PHACTR2: variants seen among roughly 807,000 people sequenced by gnomAD.
PHACTR2 encodes phosphatase and actin regulator 2.
In PHACTR2, 30 loss-of-function variants were observed where a neutral mutation model predicts 76.0. The observed-to-expected ratio is 0.39, with a 90% CI of 0.30 to 0.54. The LOEUF is 0.54. Ranked by LOEUF, PHACTR2 falls within the 20% of genes least tolerant of loss-of-function variation. PHACTR2 has a pLI of 0.61. For synonymous variants in PHACTR2, 292 were observed against 292.5 expected, an observed-to-expected ratio of 1.00 and a Z score of 0.02; for missense variants, 696 against 781.1, an observed-to-expected ratio of 0.89 and a Z score of 1.30.
intron 1 of PHACTR2, among the ~76,000 whole-genome samples, chr6:143,569,095 G>A (rs771467359): frequency 3.9e-5 from 6 of 152,044 alleles, no homozygotes; most frequent in Admixed American, 6.6e-5. Context: ...GAGATGTTTC[G>A]TGCTCACCCG....
In PHACTR2 at chr6:143,679,320, A is replaced by G. The variant is rs77999732; in HGVS notation, c.46+1111A>G. Among the ~76,000 whole-genome samples the G allele has an allele frequency of 0.044, 6,721 of 152,292 alleles. 478 individuals are homozygous for G. The highest frequency in any genetic ancestry group is 0.15 in the African/African-American group (6,196 of 41,546). On this transcript the variant is annotated intron_variant, in intron 1 of 12. Coordinates refer to ENST00000440869, the MANE Select transcript of PHACTR2 (RefSeq NM_001100164.2). The surrounding 1 kb of genome is among the most constrained non-coding windows in gnomAD (Gnocchi z 4.6). ...TTAATACCACAGAAGACCCTTCTGC[A>G]AAGAAGAGACATCAGAATCAGAATA...
intron 1 of PHACTR2, among the ~76,000 whole-genome samples, chr6:143,584,345 C>T (rs1317005861): frequency 2.0e-5 from 3 of 152,204 alleles, no homozygotes; most frequent in African/African-American, 7.2e-5. Flanking sequence ...TCCTGAGTCC[C>T]TCCACTGTAC....
At chr6:143,790,676 CTTT>C (rs758900964) in intron 11 of PHACTR2, among the ~76,000 whole-genome samples, 1 of 140,156 alleles carries the variant, frequency 7.1e-6, no homozygotes, top group Non-Finnish European at 1.5e-5. Context: ...TAACAAGATT[CTTT>C]TTTTTTTTTT....
rs912317049 is a variant in PHACTR2 at position 143,738,681 on chromosome 6, G to A, written c.215-10304G>A. On this transcript the variant is annotated intron_variant, in intron 2 of 12. Transcript: ENST00000440869. The surrounding 1 kb of genome is among the most constrained non-coding windows in gnomAD (Gnocchi z 4.0). ...TAAGGTGAGAGGATGGCTTGAGCCC[G>A]GGAGGCGGAGGCTGCAGTGAGCCAA... 6.6e-6 allele frequency among the ~76,000 whole-genome samples: 1 copy of A among 151,976 alleles called. No individual in the cohort carries two copies. Among genetic ancestry groups the A allele is most frequent in the Non-Finnish European group, 1.5e-5 (1 of 67,980 alleles).
chr6:143,740,508 TAAA>T (rs10638908), intron 2 of PHACTR2, among the ~76,000 whole-genome samples: 1 of 128,688 alleles, frequency 7.8e-6, no homozygotes, highest in East Asian at 2.3e-4. Flanking sequence ...TCCTTTTAAT[TAAA>T]AAAAAAAAAA....
chr6:143,687,407 T>G (rs917483395), intron 1 of PHACTR2, among the ~76,000 whole-genome samples: 4 of 152,292 alleles, frequency 2.6e-5, no homozygotes. Flanking sequence ...CTTTGGGGAC[T>G]TTACTGTAGC....
chr6:143,786,185 T>C (rs1198577455), intron 10 of PHACTR2, among the ~76,000 whole-genome samples: 2 of 152,212 alleles, frequency 1.3e-5, no homozygotes, highest in African/African-American at 2.4e-5. Context: ...CTTTGCTGCT[T>C]AGAAATTTCT....
Position 143,663,955 on chromosome 6 carries a change from A to G in PHACTR2, c.14-48061A>G, listed in dbSNP as rs1385514944. Among the ~76,000 whole-genome samples the G allele has an allele frequency of 6.6e-6, 1 of 152,084 alleles. No homozygotes were observed. The highest frequency in any genetic ancestry group is 1.9e-4 in the East Asian group (1 of 5,198). ...ATTGTTTAAATTCATGACCTTAAAA[A>G]TATTTTGTTTTCATGATCTATTAGT... On this transcript the variant is annotated intron_variant, in intron 1 of 11. Coordinates refer to the PHACTR2 transcript ENST00000305766. The surrounding 1 kb of genome is among the most constrained non-coding windows in gnomAD (Gnocchi z 4.1).
chr6:143,600,762 C>A (rs1775805493), intron 1 of PHACTR2, among the ~76,000 whole-genome samples: 1 of 152,112 alleles, frequency 6.6e-6, no homozygotes, highest in African/African-American at 2.4e-5. Flanking sequence ...TTTGTTTTGC[C>A]AAGGCAAAAA....
Position 143,787,885 on chromosome 6 carries a change from A to C in PHACTR2, c.1708-888A>C, listed in dbSNP as rs1402665683. 6.6e-6 allele frequency among the ~76,000 whole-genome samples: 1 copy of C among 152,232 alleles called. No individual in the cohort carries two copies. The highest frequency in any genetic ancestry group is 1.5e-5 in the Non-Finnish European group (1 of 68,042). On this transcript the variant is annotated intron_variant, in intron 10 of 12. Transcript: ENST00000440869. This position sits in a 1 kb window ranked among gnomAD's most constrained non-coding sequence, Gnocchi z 4.6. ...GCCCTATGGCTACAATAGAGGTCTAAGTCTACCTCTCTGGAGATAACTGTG... is the reference window on the plus strand; with the variant it reads ...GCCCTATGGCTACAATAGAGGTCTACGTCTACCTCTCTGGAGATAACTGTG...
In PHACTR2 at chr6:143,806,248, G is replaced by A. The variant is rs907693942; in HGVS notation, c.1846-809G>A. Among the ~76,000 whole-genome samples the A allele has an allele frequency of 4.6e-5, 7 of 152,058 alleles. No individual in the cohort carries two copies. The highest frequency in any genetic ancestry group is 7.4e-5 in the Non-Finnish European group (5 of 68,020). Reference sequence around the variant, plus strand: ...TCAAATACCAAAAATTACGTGACACGGATTATGTGTTCTTTAAATAGCAAT... The same window carrying A: ...TCAAATACCAAAAATTACGTGACACAGATTATGTGTTCTTTAAATAGCAAT... On this transcript the variant is annotated intron_variant, in intron 11 of 12. Coordinates refer to ENST00000440869, the MANE Select transcript of PHACTR2 (RefSeq NM_001100164.2). The surrounding 1 kb of genome is among the most constrained non-coding windows in gnomAD (Gnocchi z 5.8).
At position 143,652,719 on chromosome 6, in the gene PHACTR2, G is replaced by A. The variant is rs77047532; in HGVS notation, c.13+44397G>A. 9.8e-5 allele frequency among the ~76,000 whole-genome samples: 15 copies of A among 152,364 alleles called. No individual in the cohort carries two copies. The East Asian group carries it at 2.5e-3, about 25-fold the overall frequency. The stretch of plus-strand genomic sequence containing the variant: ...AAGAGCTGAGATTTCACCAGAAACA[G>A]TGACATTCACACCCAGGGGCTGAAA... On this transcript the variant is annotated intron_variant, in intron 1 of 11. Coordinates refer to the PHACTR2 transcript ENST00000305766. This position sits in a 1 kb window ranked among gnomAD's most constrained non-coding sequence, Gnocchi z 4.5.
intron 1 of PHACTR2, among the ~76,000 whole-genome samples, chr6:143,552,888 GAAAAAA>G (rs35606517): frequency 3.4e-5 from 4 of 116,696 alleles, no homozygotes; most frequent in Middle Eastern, 4.2e-3. Context: ...ATCTCAAAAA[GAAAAAA>G]AAAAAAAAAA....
intron 1 of PHACTR2, among the ~76,000 whole-genome samples, chr6:143,574,927 G>A (rs1404065308): frequency 2.0e-5 from 3 of 152,196 alleles, no homozygotes; most frequent in African/African-American, 7.2e-5. Flanking sequence ...AAATTAACAC[G>A]TTAATAGACT....
intron 12 of PHACTR2, among the ~76,000 whole-genome samples, chr6:143,808,209 A>G (rs1187976997): frequency 6.7e-6 from 1 of 150,080 alleles, no homozygotes. Context: ...AGCTTACTGC[A>G]ACCTCCACCT....
Position 143,595,757 on chromosome 6 carries a change from T to A in PHACTR2, c.217+58550T>A, listed in dbSNP as rs1283011348. Reference sequence around the variant, plus strand: ...TTTTAAAGAGAGAAAAAAGTGCTGTTAGAATAAAAATAAAGAATGTTACCA... The same window carrying A: ...TTTTAAAGAGAGAAAAAAGTGCTGTAAGAATAAAAATAAAGAATGTTACCA... On this transcript the variant is annotated intron_variant, in intron 1 of 11. Coordinates refer to the PHACTR2 transcript ENST00000367584. This position sits in a 1 kb window ranked among gnomAD's most constrained non-coding sequence, Gnocchi z 4.2. Among the ~76,000 whole-genome samples, 2 of 152,192 alleles carry A rather than the reference T, an allele frequency of 1.3e-5. No homozygotes were observed. Among genetic ancestry groups the A allele is most frequent in the Non-Finnish European group, 2.9e-5 (2 of 68,034 alleles).
Position 143,776,021 on chromosome 6 carries a change from C to T in PHACTR2, c.1590-1307C>T, listed in dbSNP as rs1562302968. ...TGACTGGCACCTGTAATCCCAGCTA[C>T]TCAGGAGGCTGAGGCAGTAATTTTG... On this transcript the variant is annotated intron_variant, in intron 8 of 12. Coordinates refer to ENST00000440869, the MANE Select transcript of PHACTR2 (RefSeq NM_001100164.2). This position sits in a 1 kb window ranked among gnomAD's most constrained non-coding sequence, Gnocchi z 5.3. Among the ~76,000 whole-genome samples the T allele has an allele frequency of 6.6e-6, 1 of 152,108 alleles. No individual in the cohort carries two copies. Among genetic ancestry groups the T allele is most frequent in the East Asian group, 1.9e-4 (1 of 5,194 alleles).
intron 4 of PHACTR2, among the ~76,000 whole-genome samples, chr6:143,756,867 G>A (rs898999137): frequency 1.3e-5 from 2 of 152,100 alleles, no homozygotes; most frequent in African/African-American, 4.8e-5. Flanking sequence ...GGCCAACAGG[G>A]CAAAGCCCCA....
chr6:143,774,325 G>T lies in PHACTR2; in HGVS notation c.1589+110G>T, dbSNP rs961980923. 2 of 754,380 alleles carry T rather than the reference G, an allele frequency of 2.7e-6. No homozygotes were observed. The highest frequency in any genetic ancestry group is 4.2e-6 in the Non-Finnish European group (2 of 481,564). The allele number at this position is 754,380 out of a possible 1,614,324, so 46.7% of individuals were successfully genotyped here. A position where few individuals can be genotyped will look rare whatever the true frequency, so the allele number is the denominator to read the frequency against. ...AATTCCTTATGTACAGATACATCTG[G>T]CCTACTGGGTCTTTTAAAGTTGGTC... On this transcript the variant is annotated intron_variant, in intron 8 of 12. Transcript: ENST00000440869. This position sits in a 1 kb window ranked among gnomAD's most constrained non-coding sequence, Gnocchi z 5.4.
Sources: gnomAD v4.1 joint callset for allele counts (sites outside exome capture counted in the v4.1 genomes callset) on GRCh38, gnomAD v4.1.1 for gene constraint, Gnocchi (gnomAD v3.1) non-coding constraint, MANE v1.5 for transcripts, NCBI Gene and HGNC (gene_info 2026-07-23, HGNC 2026-07-21) for gene names.